AGAP1: variants seen among roughly 807,000 people sequenced by gnomAD.
AGAP1 encodes arf-GAP with GTPase, ANK repeat and PH domain-containing protein 1.
In AGAP1, 29 loss-of-function variants were observed where a neutral mutation model predicts 105.3. The ratio of observed to expected loss-of-function variants is 0.28; its 90% CI spans 0.21 to 0.38. The LOEUF (loss-of-function observed/expected upper bound fraction) is 0.38. Among genes scored for constraint, AGAP1 ranks in the 10% least tolerant of loss-of-function variants. The probability of loss-of-function intolerance (pLI) is 1.00; values close to 1 mark genes in which losing one functional copy is unlikely to be tolerated. For synonymous variants in AGAP1, 509 were observed against 485.9 expected (o/e 1.05, Z -0.63); for missense variants, 998 against 1,165.1 (o/e 0.86, Z 2.09).
chr2:236,070,663 A>G (rs1410961836), intron 16 of AGAP1, among the ~76,000 whole-genome samples: 1 of 152,246 alleles, frequency 6.6e-6, no homozygotes, highest in Admixed American at 6.5e-5. Flanking sequence ...TGCACCTTCA[A>G]CATTATGAAG....
chr2:236,063,202 T>C (rs1488111824), intron 16 of AGAP1, among the ~76,000 whole-genome samples: 1 of 151,410 alleles, frequency 6.6e-6, no homozygotes. Context: ...CAAGTGATTC[T>C]CCTGCCTCAG....
At position 235,792,353 on chromosome 2, in the gene AGAP1, A is replaced by C. The variant is rs1957029757; in HGVS notation, c.674-5406A>C. ...GGTTCATCTGCCTATTCCAGGAGAG[A>C]CTATGGTCCTTATCCAGTAGTACTA... On this transcript the variant is annotated intron_variant, in intron 6 of 17. Transcript: ENST00000304032. The surrounding 1 kb of genome is among the most constrained non-coding windows in gnomAD (Gnocchi z 5.3). 6.6e-6 allele frequency among the ~76,000 whole-genome samples: 1 copy of C among 152,110 alleles called. No homozygotes were observed. The highest frequency in any genetic ancestry group is 1.5e-5 in the Non-Finnish European group (1 of 68,028).
At position 235,777,921 on chromosome 2, in the gene AGAP1, G is replaced by C. The variant is rs1222416559; in HGVS notation, c.674-19838G>C. Among the ~76,000 whole-genome samples, 1 of 152,244 alleles carries C rather than the reference G, an allele frequency of 6.6e-6. No homozygotes were observed. The highest frequency in any genetic ancestry group is 1.9e-4 in the East Asian group (1 of 5,172). ...TCTGTACCTTTGAAATGTTTGTAGT[G>C]GTTGGAAGGAGGGGACTTCCTTGGC... On this transcript the variant is annotated intron_variant, in intron 6 of 17. Transcript: ENST00000304032. This position sits in a 1 kb window ranked among gnomAD's most constrained non-coding sequence, Gnocchi z 5.1.
At chr2:235,671,924 C>G (rs775780945) in intron 1 of AGAP1, among the ~76,000 whole-genome samples, 3 of 152,130 alleles carry the variant, frequency 2.0e-5, no homozygotes, top group Admixed American at 6.5e-5. Context: ...ATCAACTGCG[C>G]ATCACCCTGA....
rs7596888 is a variant in AGAP1, at chr2:235,973,142, G to A, written c.1645+4519G>A. Among the ~76,000 whole-genome samples the A allele has an allele frequency of 0.028, 4,296 of 152,300 alleles. 112 individuals are homozygous for A. Among genetic ancestry groups the A allele is most frequent in the South Asian group, 0.11 (519 of 4,824 alleles). On this transcript the variant is annotated intron_variant, in intron 13 of 17. Transcript: ENST00000304032. The surrounding 1 kb of genome is among the most constrained non-coding windows in gnomAD (Gnocchi z 4.7). ...TCTACACGGGGCTGTCAGGGTGACCGATGGAAATTGGGCCGTTCCTGCCCT... is the reference window on the plus strand; with the variant it reads ...TCTACACGGGGCTGTCAGGGTGACCAATGGAAATTGGGCCGTTCCTGCCCT...
Position 235,952,355 on chromosome 2 carries a change from TA to T in AGAP1, c.1484-16096del, listed in dbSNP as rs541051208. ...GTCAAAGAAGTTATAACATAGGTTT[TA>T]AAAAAAAAAATTTCATCAGCCAAAT... On this transcript the variant is annotated intron_variant, in intron 12 of 17. Coordinates refer to ENST00000304032, the MANE Select transcript of AGAP1 (RefSeq NM_001037131.3). Among the ~76,000 whole-genome samples, 1,305 of 149,872 alleles carry T rather than the reference TA, an allele frequency of 8.7e-3. 9 individuals carry two copies. Among genetic ancestry groups the T allele is most frequent in the Admixed American group, 9.0e-3 (136 of 15,042 alleles).
rs1398998650 is a variant in AGAP1, at chr2:235,716,133, T to C, written c.223-1424T>C. Among the ~76,000 whole-genome samples, 2 of 152,152 alleles carry C rather than the reference T, an allele frequency of 1.3e-5. No individual in the cohort carries two copies. Among genetic ancestry groups the C allele is most frequent in the East Asian group, 3.9e-4 (2 of 5,184 alleles). On this transcript the variant is annotated intron_variant, in intron 2 of 17. Coordinates refer to ENST00000304032, the MANE Select transcript of AGAP1 (RefSeq NM_001037131.3). The surrounding 1 kb of genome is among the most constrained non-coding windows in gnomAD (Gnocchi z 4.0). ...TCCAGAGTCTGCAGGGTGTCTCCTG[T>C]TAAATGGAATCGCAGCTCATTGAGA...
At chr2:235,644,929 CTT>C (rs1947324472) in intron 1 of AGAP1, among the ~76,000 whole-genome samples, 1 of 150,634 alleles carries the variant, frequency 6.6e-6, no homozygotes, top group Admixed American at 6.6e-5. Context: ...GAGTTTTACT[CTT>C]GTCACCCAGA....
Position 235,549,563 on chromosome 2 carries a change from G to A in AGAP1, c.163+54714G>A, listed in dbSNP as rs550269299. ...ACGTACAGAGTTGCATTGCTCCTCC[G>A]TCTTCCGCGTGCCTGTGGGCAGCTT... On this transcript the variant is annotated intron_variant, in intron 1 of 17. Coordinates refer to ENST00000304032, the MANE Select transcript of AGAP1 (RefSeq NM_001037131.3). This position sits in a 1 kb window ranked among gnomAD's most constrained non-coding sequence, Gnocchi z 4.2. Among the ~76,000 whole-genome samples, 7 of 152,244 alleles carry A rather than the reference G, an allele frequency of 4.6e-5. No homozygotes were observed. Among genetic ancestry groups the A allele is most frequent in the East Asian group, 3.9e-4 (2 of 5,180 alleles).
At position 235,712,495 on chromosome 2, in the gene AGAP1, C is replaced by G. The variant is rs1278391889; in HGVS notation, c.222+3258C>G. Among the ~76,000 whole-genome samples the G allele has an allele frequency of 1.3e-5, 2 of 152,238 alleles. No homozygotes were observed. The highest frequency in any genetic ancestry group is 2.9e-5 in the Non-Finnish European group (2 of 68,048). ...TCTTGCCTGTGTAGGGGACCTCAGT[C>G]CCCAGCTCCTCACATCCTATTTGTG... is the stretch of plus-strand genomic sequence containing the variant. On this transcript the variant is annotated intron_variant, in intron 2 of 17. Transcript: ENST00000304032. This position sits in a 1 kb window ranked among gnomAD's most constrained non-coding sequence, Gnocchi z 6.0.
At chr2:235,544,067 C>T (rs1183112828) in intron 1 of AGAP1, among the ~76,000 whole-genome samples, 15 of 152,196 alleles carry the variant, frequency 9.9e-5, no homozygotes, top group Admixed American at 9.8e-4. Flanking sequence ...TTTAAACAAG[C>T]ATGTTTGAAT....
In AGAP1 at chr2:235,868,715, T is replaced by A. The variant is rs550605355; in HGVS notation, c.1051-14630T>A. On this transcript the variant is annotated intron_variant, in intron 9 of 17. Coordinates refer to ENST00000304032, the MANE Select transcript of AGAP1 (RefSeq NM_001037131.3). ...TTAATATAAATTTATGAGTGGTGTT[T>A]TATCACAGCTTGGGGCTGCAGCAAA... 2.6e-5 allele frequency among the ~76,000 whole-genome samples: 4 copies of A among 152,352 alleles called. No individual in the cohort carries two copies. In the South Asian group the frequency reaches 8.3e-4, roughly 32 times the overall value.
Position 235,725,508 on chromosome 2 carries a change from A to G in AGAP1, c.310+7864A>G, listed in dbSNP as rs905702094. Among the ~76,000 whole-genome samples the G allele has an allele frequency of 5.4e-5, 7 of 130,116 alleles. No homozygotes were observed. Among genetic ancestry groups the G allele is most frequent in the Admixed American group, 1.5e-4 (2 of 13,312 alleles). The allele number at this position is 130,116 out of a possible 152,430, so 85.4% of individuals were successfully genotyped here. On this transcript the variant is annotated intron_variant, in intron 3 of 17. Coordinates refer to ENST00000304032, the MANE Select transcript of AGAP1 (RefSeq NM_001037131.3). The surrounding 1 kb of genome is among the most constrained non-coding windows in gnomAD (Gnocchi z 5.7). ...TGGGTGCTGTTTAATGTTCCAGTGG[A>G]AAAAAAAAAAAAACACCTGTAATAC...
Position 235,717,937 on chromosome 2 carries a change from C to G in AGAP1, c.310+293C>G, listed in dbSNP as rs146918106. The stretch of plus-strand genomic sequence containing the variant: ...CTTTTTAATCCAGTGTCCTTCTTAT[C>G]CATTGTTGCTCCTTTAAATATTGAC... On this transcript the variant is annotated intron_variant, in intron 3 of 17. Coordinates refer to ENST00000304032, the MANE Select transcript of AGAP1 (RefSeq NM_001037131.3). Among the ~76,000 whole-genome samples the G allele has an allele frequency of 1.5e-3, 226 of 152,274 alleles. 1 individual carries two copies. Among genetic ancestry groups the G allele is most frequent in the African/African-American group, 4.8e-3 (199 of 41,562 alleles).
At chr2:235,856,911 C>T (rs772950696) in intron 9 of AGAP1, among the ~76,000 whole-genome samples, 13 of 152,342 alleles carry the variant, frequency 8.5e-5, no homozygotes, top group Middle Eastern at 3.4e-3. Context: ...CGCTGCGGTC[C>T]GGTTGGACGT....
chr2:236,031,243 TTAAC>T (rs1375701516), intron 13 of AGAP1, among the ~76,000 whole-genome samples: 1 of 152,114 alleles, frequency 6.6e-6, no homozygotes, highest in Non-Finnish European at 1.5e-5. Context: ...AGGAGGAACA[TTAAC>T]TAAACTTGAA....
chr2:236,060,659 C>T (rs891140530), intron 16 of AGAP1, among the ~76,000 whole-genome samples: 1 of 152,040 alleles, frequency 6.6e-6, no homozygotes, highest in Non-Finnish European at 1.5e-5. Flanking sequence ...CGCACCACTG[C>T]ACTCCAGCCT....
At chr2:235,580,007 C>T (rs1056317440) in intron 1 of AGAP1, among the ~76,000 whole-genome samples, 4 of 145,354 alleles carry the variant, frequency 2.8e-5, no homozygotes, top group Admixed American at 2.0e-4. Flanking sequence ...CAACATGTGG[C>T]CTTCTGTGAC....
intron 2 of AGAP1, among the ~76,000 whole-genome samples, chr2:235,709,639 G>A (rs1264403892): frequency 2.6e-5 from 4 of 152,184 alleles, no homozygotes; most frequent in Admixed American, 6.5e-5. Flanking sequence ...AGGATGTCAC[G>A]GAAGGCTTCT....
Sources: allele counts gnomAD v4.1 joint callset (sites outside exome capture counted in the v4.1 genomes callset), GRCh38; gene constraint gnomAD v4.1.1; non-coding constraint Gnocchi (gnomAD v3.1); transcripts MANE v1.5; gene names NCBI Gene and HGNC (gene_info 2026-07-23, HGNC 2026-07-21).